Variants in PRKN observed in about 807,000 individuals in gnomAD.
PRKN encodes parkin RBR E3 ubiquitin protein ligase.
In PRKN, 56 loss-of-function variants were observed where a neutral mutation model predicts 59.5. The observed-to-expected ratio is 0.94, with a 90% CI of 0.76 to 1.18. The LOEUF (loss-of-function observed/expected upper bound fraction) is 1.18. PRKN is among the 50% of genes most tolerant of loss of function. The probability of loss-of-function intolerance (pLI) is 0.00; values close to 1 mark genes in which losing one functional copy is unlikely to be tolerated. For synonymous variants in PRKN, 250 were observed against 222.1 expected (o/e 1.13, Z -1.12); for missense variants, 657 against 596.4 (o/e 1.10, Z -1.06).
At chr6:161,606,420 G>A (rs1378437100) in intron 7 of PRKN, among the ~76,000 whole-genome samples, 1 of 152,198 alleles carries the variant, frequency 6.6e-6, no homozygotes, top group Non-Finnish European at 1.5e-5. Flanking sequence ...GGATGGTGGT[G>A]ACAGTAACTG....
chr6:162,158,833 A>G (rs577439002), intron 4 of PRKN, among the ~76,000 whole-genome samples: 32 of 152,080 alleles, frequency 2.1e-4, no homozygotes, highest in African/African-American at 7.5e-4. Flanking sequence ...ATAGGCTTCA[A>G]ACGAGTCTCG....
chr6:161,612,491 C>G (rs1424514429), intron 7 of PRKN, among the ~76,000 whole-genome samples: 1 of 152,042 alleles, frequency 6.6e-6, no homozygotes, highest in Non-Finnish European at 1.5e-5. Flanking sequence ...GAGGCCGAAG[C>G]AGGTGGATCA....
intron 1 of PRKN, among the ~76,000 whole-genome samples, chr6:162,527,657 A>G (rs1045475501): frequency 6.6e-6 from 1 of 152,228 alleles, no homozygotes; most frequent in Non-Finnish European, 1.5e-5. Context: ...ATCTGCTATC[A>G]GCTGATAAAT....
chr6:161,432,532 ATTTTTT>A (rs767620173), intron 9 of PRKN, among the ~76,000 whole-genome samples: 5 of 125,494 alleles, frequency 4.0e-5, no homozygotes, highest in African/African-American at 9.1e-5. Flanking sequence ...TGCCCAGCTA[ATTTTTT>A]TTTTTTTTTT....
At chr6:161,914,374 A>G (rs1368477202) in intron 6 of PRKN, among the ~76,000 whole-genome samples, 1 of 152,184 alleles carries the variant, frequency 6.6e-6, no homozygotes, top group Non-Finnish European at 1.5e-5. Flanking sequence ...ACTTGTAGGC[A>G]TGCATACTTC....
chr6:162,723,281 GT>G, intron 1 of PRKN, among the ~76,000 whole-genome samples: 1 of 152,240 alleles, frequency 6.6e-6, no homozygotes, highest in South Asian at 2.1e-4. Context: ...AGAATGAGAA[GT>G]TTTCTTCTAA....
intron 9 of PRKN, among the ~76,000 whole-genome samples, chr6:161,450,638 C>A (rs539108994): frequency 3.9e-5 from 6 of 152,100 alleles, no homozygotes; most frequent in Non-Finnish European, 8.8e-5. Context: ...CTCACTGCAA[C>A]CTCTGCCTCC....
chr6:161,768,613 TAA>T (rs1789530378), intron 7 of PRKN, among the ~76,000 whole-genome samples: 1 of 152,216 alleles, frequency 6.6e-6, no homozygotes, highest in East Asian at 1.9e-4. Context: ...ACAGAAATTA[TAA>T]AGTTTTCTTC....
chr6:161,476,044 G>C (rs940841707), intron 9 of PRKN, among the ~76,000 whole-genome samples: 1 of 151,808 alleles, frequency 6.6e-6, no homozygotes, highest in Non-Finnish European at 1.5e-5. Flanking sequence ...AAAATTAGCC[G>C]GGCGTGGTGG....
rs957626548 is a variant in PRKN, at chr6:161,487,217, C to A, written c.1083+61637G>T. Among the ~76,000 whole-genome samples the A allele has an allele frequency of 6.6e-6, 1 of 152,178 alleles. No individual in the cohort carries two copies. The highest frequency in any genetic ancestry group is 1.5e-5 in the Non-Finnish European group (1 of 68,034). On this transcript the variant is annotated intron_variant, in intron 9 of 11. Transcript: ENST00000366898. This position sits in a 1 kb window ranked among gnomAD's most constrained non-coding sequence, Gnocchi z 5.3. ...TCTGAGTGAAGTCCTATCCCTCAAC[C>A]CTTTTTACAGGAGAAGACATTGAGG... is the stretch of plus-strand genomic sequence containing the variant.
At chr6:162,369,525 A>T (rs899950452) in intron 2 of PRKN, among the ~76,000 whole-genome samples, 1 of 152,242 alleles carries the variant, frequency 6.6e-6, no homozygotes, top group Non-Finnish European at 1.5e-5. Context: ...CACATTCCAC[A>T]AAAATATCAG....
chr6:161,852,236 A>G (rs1217855396), intron 6 of PRKN, among the ~76,000 whole-genome samples: 1 of 152,142 alleles, frequency 6.6e-6, no homozygotes, highest in African/African-American at 2.4e-5. Context: ...CCTTGAGGCC[A>G]GGAGTTTGAG....
At chr6:162,015,039 CAT>C (rs1782882237) in intron 5 of PRKN, among the ~76,000 whole-genome samples, 2 of 152,100 alleles carry the variant, frequency 1.3e-5, no homozygotes. Flanking sequence ...AAATTTAAAA[CAT>C]ATTATCTTGA....
chr6:162,252,074 G>C (rs974027456), intron 3 of PRKN, among the ~76,000 whole-genome samples: 3 of 152,144 alleles, frequency 2.0e-5, no homozygotes, highest in Admixed American at 2.0e-4. Context: ...TTTAAAGTAA[G>C]AAAAGTCTAG....
intron 7 of PRKN, among the ~76,000 whole-genome samples, chr6:161,746,311 T>C (rs1788410883): frequency 6.6e-6 from 1 of 151,846 alleles, no homozygotes; most frequent in South Asian, 2.1e-4. Context: ...GAGTAAGACT[T>C]CCCAGAGACC....
At chr6:162,154,975 A>G (rs975335066) in intron 4 of PRKN, among the ~76,000 whole-genome samples, 2 of 151,786 alleles carry the variant, frequency 1.3e-5, no homozygotes, top group Non-Finnish European at 2.9e-5. Flanking sequence ...GATGCAAAAA[A>G]AAAAACAAAA....
chr6:162,012,931 T>C (rs932491423), intron 5 of PRKN, among the ~76,000 whole-genome samples: 6 of 152,172 alleles, frequency 3.9e-5, no homozygotes, highest in Admixed American at 3.3e-4. Flanking sequence ...GCCAGGTTTC[T>C]CCACTGTTAA....
At chr6:162,321,694 T>C (rs1316422786) in intron 2 of PRKN, among the ~76,000 whole-genome samples, 2 of 151,954 alleles carry the variant, frequency 1.3e-5, no homozygotes, top group Non-Finnish European at 2.9e-5. Flanking sequence ...AGAATGCAAG[T>C]TTGATTTAAC....
At chr6:161,887,433 A>G (rs1049255297) in intron 6 of PRKN, among the ~76,000 whole-genome samples, 4 of 152,204 alleles carry the variant, frequency 2.6e-5, no homozygotes, top group African/African-American at 9.6e-5. Flanking sequence ...TAAAATAGGG[A>G]GGGACTATAA....
Sources: allele counts gnomAD v4.1 joint callset (sites outside exome capture counted in the v4.1 genomes callset), GRCh38; gene constraint gnomAD v4.1.1; non-coding constraint Gnocchi (gnomAD v3.1); transcripts MANE v1.5; gene names NCBI Gene and HGNC (gene_info 2026-07-23, HGNC 2026-07-21).